Variants in SMAD3 observed in about 807,000 individuals in gnomAD.
SMAD3 encodes SMAD family member 3.
A neutral mutation model predicts 51.8 loss-of-function variants in SMAD3; 12 were observed. The observed-to-expected ratio is 0.23, with a 90% CI of 0.15 to 0.38. The LOEUF is 0.38. SMAD3 is among the 10% of genes least tolerant of loss of function. SMAD3 has a pLI of 1.00. For synonymous variants in SMAD3, 238 were observed against 227.7 expected (o/e 1.05, Z -0.41); for missense variants, 294 against 565.6 (o/e 0.52, Z 4.87).
At chr15:67,078,668 G>C (rs1595887754) in intron 1 of SMAD3, among the ~76,000 whole-genome samples, 1 of 152,152 alleles carries the variant, frequency 6.6e-6, no homozygotes, top group Non-Finnish European at 1.5e-5. Context: ...TCATGTCCAA[G>C]GACTGATTCT....
At position 67,164,911 on chromosome 15, in the gene SMAD3, T is replaced by C. The variant is rs1442598618; in HGVS notation, c.223T>C (p.Leu75=). The change falls in exon 2 of 9, where the codon TTG becomes CTG. Residue 75 remains leucine, a synonymous_variant. Transcript: ENST00000327367. The part of the protein sequence containing the change: ...ITIPRSLDGR[L]QVSHRKGLPH... The stretch of plus-strand genomic sequence containing the variant: ...TCCTGGCAGGTCCCTGGATGGCCGG[T>C]TGCAGGTGTCCCATCGGAAGGGGCT... 1 of 1,613,112 alleles carries C rather than the reference T, an allele frequency of 6.2e-7. No individual in the cohort carries two copies. The highest frequency in any genetic ancestry group is 8.5e-7 in the Non-Finnish European group (1 of 1,180,044).
At chr15:67,156,172 TG>T (rs1162228340) in intron 1 of SMAD3, among the ~76,000 whole-genome samples, 2 of 152,136 alleles carry the variant, frequency 1.3e-5, no homozygotes, top group African/African-American at 4.8e-5. Flanking sequence ...GGGCATTCAT[TG>T]GCAACCCCAA....
intron 1 of SMAD3, among the ~76,000 whole-genome samples, chr15:67,149,401 C>T (rs1018200284): frequency 1.3e-5 from 2 of 152,148 alleles, no homozygotes. Context: ...ATCTAGGACC[C>T]AGCGGGAGGA....
At chr15:67,071,612 C>G (rs1960054964) in intron 1 of SMAD3, among the ~76,000 whole-genome samples, 2 of 152,130 alleles carry the variant, frequency 1.3e-5, no homozygotes, top group Admixed American at 1.3e-4. Context: ...GAGATCACAA[C>G]CATTCTGGCT....
chr15:67,111,821 T>C (rs1057510410), intron 1 of SMAD3, among the ~76,000 whole-genome samples: 8 of 152,220 alleles, frequency 5.3e-5, no homozygotes, highest in Non-Finnish European at 5.9e-5. Flanking sequence ...TGAGTCTTGC[T>C]GGGATGTCCA....
chr15:67,100,224 T>C (rs919491228), intron 1 of SMAD3, among the ~76,000 whole-genome samples: 5 of 141,792 alleles, frequency 3.5e-5, no homozygotes, highest in African/African-American at 1.3e-4. Context: ...TGCCACAACA[T>C]GGGTGAATCT....
intron 1 of SMAD3, among the ~76,000 whole-genome samples, chr15:67,123,475 G>A (rs570754312): frequency 3.9e-4 from 60 of 152,246 alleles, no homozygotes; most frequent in African/African-American, 1.4e-3. Flanking sequence ...CTCCAGCTTG[G>A]GCAACAAGAG....
chr15:67,150,929 C>A, intron 1 of SMAD3, among the ~76,000 whole-genome samples: 1 of 134,760 alleles, frequency 7.4e-6, no homozygotes, highest in Admixed American at 8.4e-5. Context: ...AATCTCGGCT[C>A]ACTGCAACCT....
chr15:67,132,096 G>A (rs1197048228), intron 1 of SMAD3, among the ~76,000 whole-genome samples: 4 of 152,154 alleles, frequency 2.6e-5, no homozygotes, highest in Non-Finnish European at 4.4e-5. Context: ...GGTCATCTGA[G>A]ACATGGAACT....
chr15:67,066,972 C>T (rs963853769), intron 1 of SMAD3, among the ~76,000 whole-genome samples: 9 of 152,196 alleles, frequency 5.9e-5, no homozygotes, highest in South Asian at 2.1e-4. Flanking sequence ...GTCTCCCGCC[C>T]CCTGAGCATG....
chr15:67,103,408 A>G (rs1004414834), intron 1 of SMAD3, among the ~76,000 whole-genome samples: 1 of 152,212 alleles, frequency 6.6e-6, no homozygotes. Flanking sequence ...GTGAGGGATG[A>G]GAAAGAGTTT....
chr15:67,142,205 C>CCCCG, intron 1 of SMAD3, among the ~76,000 whole-genome samples: 1 of 150,842 alleles, frequency 6.6e-6, no homozygotes. Context: ...CCACACCCCC[C>CCCCG]CCACCATTGT....
intron 1 of SMAD3, among the ~76,000 whole-genome samples, chr15:67,116,485 G>A (rs1172026839): frequency 2.0e-5 from 3 of 152,160 alleles, no homozygotes; most frequent in Non-Finnish European, 2.9e-5. Flanking sequence ...CCCATCTCAC[G>A]GGGTGTGTGG....
chr15:67,085,902 A>G (rs1960382178), intron 1 of SMAD3, among the ~76,000 whole-genome samples: 1 of 31,454 alleles, frequency 3.2e-5, no homozygotes, highest in African/African-American at 9.5e-5. Context: ...ACACACACAT[A>G]CACAGAGAAC....
At chr15:67,098,860 G>A (rs1405301821) in intron 1 of SMAD3, 4 of 701,436 alleles carry the variant, frequency 5.7e-6, no homozygotes, top group Admixed American at 4.0e-5. Flanking sequence ...GGGACGGTGG[G>A]AGGGCATACA....
chr15:67,099,411 A>C lies in SMAD3; in HGVS notation c.206+33051A>C, dbSNP rs75029750. On this transcript the variant is annotated intron_variant, in intron 1 of 8. Transcript: ENST00000327367. ...ATTTAAAGGAATCCTGTTGTAAGTC[A>C]TTTTGAAAAATGGAGAATTACACCA... Among the ~76,000 whole-genome samples, 669 of 152,344 alleles carry C rather than the reference A, an allele frequency of 4.4e-3. 25 individuals are homozygous for C. In the East Asian group the frequency reaches 0.095, roughly 22 times the overall value.
chr15:67,114,925 G>A (rs1566972885), intron 1 of SMAD3, among the ~76,000 whole-genome samples: 1 of 152,310 alleles, frequency 6.6e-6, no homozygotes, highest in East Asian at 1.9e-4. Flanking sequence ...TGCCACACAT[G>A]TTGTTACTGC....
At chr15:67,131,976 T>C (rs1208965692) in intron 1 of SMAD3, among the ~76,000 whole-genome samples, 1 of 152,156 alleles carries the variant, frequency 6.6e-6, no homozygotes, top group Non-Finnish European at 1.5e-5. Flanking sequence ...CCCCCTTCTG[T>C]CTTATCATGC....
At chr15:67,090,819 G>T (rs150879661) in intron 1 of SMAD3, among the ~76,000 whole-genome samples, 39 of 152,282 alleles carry the variant, frequency 2.6e-4, no homozygotes, top group African/African-American at 9.4e-4. Context: ...CGTGACAGCA[G>T]TAAGCCTCTC....
Sources: allele counts gnomAD v4.1 joint callset (sites outside exome capture counted in the v4.1 genomes callset), GRCh38; gene constraint gnomAD v4.1.1; transcripts MANE v1.5; gene names NCBI Gene and HGNC (gene_info 2026-07-23, HGNC 2026-07-21).